ABCD4: variants seen among roughly 807,000 people sequenced by gnomAD.
ABCD4 encodes the protein ATP binding cassette subfamily D member 4, also known as lysosomal cobalamin transporter ABCD4.
In ABCD4, 53 loss-of-function variants were observed where a neutral mutation model predicts 86.3. That is an observed-to-expected ratio of 0.61 (90% CI 0.49 to 0.77). The LOEUF (loss-of-function observed/expected upper bound fraction) is 0.77, where lower values mean the gene tolerates loss of function less well. Ranked by LOEUF, ABCD4 falls within the 30% of genes least tolerant of loss-of-function variation. The pLI is 0.00. For synonymous variants in ABCD4, 328 were observed against 313.6 expected, an observed-to-expected ratio of 1.05 and a Z score of -0.49; for missense variants, 757 against 764.5, an observed-to-expected ratio of 0.99 and a Z score of 0.12.
Position 74,295,192 on chromosome 14 carries a change from C to G in ABCD4, c.675G>C (p.Lys225Asn), listed in dbSNP as rs1262004302. Residue 225 changes from lysine (K) to asparagine (N), a missense_variant, in exon 7 of 19, where the codon AAG becomes AAC. Lys to Asn is a moderately conservative substitution (Grantham distance 94, BLOSUM62 0). Coordinates refer to ENST00000356924, the MANE Select transcript of ABCD4 (RefSeq NM_005050.4). Reference sequence around the variant, plus strand: ...CCGCATTCACCCGAATCTGCATGTGCTTGAACCTGGGCGGACCAAAGGGAA... The same window carrying G: ...CCGCATTCACCCGAATCTGCATGTGGTTGAACCTGGGCGGACCAAAGGGAA... ...QEKLEGDFRF[K>N]HMQIRVNAEP... The G allele has an allele frequency of 6.8e-6, 11 of 1,614,228 alleles. No homozygotes were observed. In the Admixed American group the frequency reaches 1.8e-4, roughly 27 times the overall value.
At chr14:74,286,846 C>A in intron 17 of ABCD4, 30 bp from the exon 18 acceptor site, 1 of 1,600,242 alleles carries the variant, frequency 6.2e-7, no homozygotes, top group South Asian at 1.1e-5. Context: ...AGGAAGAGAT[C>A]AAAGCCCTGC....
chr14:74,288,041 C>G, intron 16 of ABCD4, 155 bp from the exon 17 acceptor site: 1 of 1,039,912 alleles, frequency 9.6e-7, no homozygotes, highest in Non-Finnish European at 1.4e-6. Flanking sequence ...ACAGCCCTCA[C>G]AGAGTGAGGC....
At chr14:74,288,322 G>T in intron 15 of ABCD4, 63 bp from the exon 16 acceptor site, 1 of 1,517,052 alleles carries the variant, frequency 6.6e-7, no homozygotes. Flanking sequence ...TGCCATCATG[G>T]GGAACCTCCC....
At position 74,286,228 on chromosome 14, in the gene ABCD4, G is replaced by T; in HGVS notation, c.*233C>A. 2.0e-6 allele frequency: 1 copy of T among 498,608 alleles called. No homozygotes were observed. The highest frequency in any genetic ancestry group is 3.6e-6 in the Non-Finnish European group (1 of 280,654). The allele number at this position is 498,608 out of a possible 1,614,324, so 30.9% of individuals were successfully genotyped here. ...AGCACTTCAAGCATATGGAGGCTCT[G>T]GCTGAGGCAGCAGAGTCCTGGGAGA... On this transcript the variant is annotated 3_prime_UTR_variant, in exon 19 of 19. Coordinates refer to ENST00000356924, the MANE Select transcript of ABCD4 (RefSeq NM_005050.4).
intron 3 of ABCD4, among the ~76,000 whole-genome samples, chr14:74,298,850 GC>G (rs1488164003): frequency 6.6e-6 from 1 of 152,226 alleles, no homozygotes; most frequent in Non-Finnish European, 1.5e-5. Flanking sequence ...TTCTGGTACA[GC>G]CCTGAGTCTC....
rs573949742 is a variant in ABCD4, at chr14:74,288,669, G to A, written c.1506+47C>T. 48 of 1,602,638 alleles carry A rather than the reference G, an allele frequency of 3.0e-5. No homozygotes were observed. The South Asian group carries it at 5.4e-4, about 18-fold the overall frequency. On this transcript the variant is annotated intron_variant, in intron 15 of 18. Transcript: ENST00000356924. ...GCCAGCACCTGCCTACCTGTAGCTG[G>A]TGCTCCCAGGTGGGCTCGGGTCCTG...
intron 11 of ABCD4, 49 bp from the exon 12 acceptor site, chr14:74,290,548 T>C (rs2081217679): frequency 1.4e-6 from 2 of 1,472,314 alleles, no homozygotes; most frequent in Middle Eastern, 1.7e-4. Flanking sequence ...AGGGTCAGTA[T>C]TGCTGTGGGG....
Position 74,292,737 on chromosome 14 carries a change from G to A in ABCD4, c.936+11C>T, listed in dbSNP as rs759765179. On this transcript the variant is annotated intron_variant, in intron 9 of 18. Transcript: ENST00000356924. The stretch of plus-strand genomic sequence containing the variant: ...GGGACAGCATGTGGGGTGACCAAGA[G>A]GGAGTCTCACCTTGCTGACCAGGGT... 1.2e-6 allele frequency: 2 copies of A among 1,613,972 alleles called. No homozygotes were observed. Among genetic ancestry groups the A allele is most frequent in the South Asian group, 2.2e-5 (2 of 91,020 alleles).
Position 74,286,393 on chromosome 14 carries a change from GTCC to G in ABCD4, c.*65_*67del, listed in dbSNP as rs1054391763. Reference sequence around the variant, plus strand: ...AACCTGAGCTCGATCTTCGCTGTCAGTCCTCCTGGTCTCTCCTGAGGGCCGCCG... The same window carrying G: ...AACCTGAGCTCGATCTTCGCTGTCAGTCCTGGTCTCTCCTGAGGGCCGCCG... On this transcript the variant is annotated 3_prime_UTR_variant, in exon 19 of 19. Transcript: ENST00000356924. 9.7e-6 allele frequency: 15 copies of G among 1,550,954 alleles called. No homozygotes were observed. In the African/African-American group the frequency reaches 2.0e-4, roughly 21 times the overall value.
chr14:74,290,602 C>T, intron 11 of ABCD4, 103 bp from the exon 12 acceptor site: 3 of 841,718 alleles, frequency 3.6e-6, no homozygotes, highest in East Asian at 2.5e-5. Context: ...TTATTATGGG[C>T]TGACTTGCAT....
Position 74,289,529 on chromosome 14 carries a change from GA to G in ABCD4, c.1420-11del. 2 of 1,609,890 alleles carry G rather than the reference GA, an allele frequency of 1.2e-6. No individual in the cohort carries two copies. Among genetic ancestry groups the G allele is most frequent in the Admixed American group, 3.3e-5 (2 of 59,788 alleles). On this transcript the variant is annotated splice_polypyrimidine_tract_variant and intron_variant, in intron 13 of 18. Coordinates refer to ENST00000356924, the MANE Select transcript of ABCD4 (RefSeq NM_005050.4). ...TCAGGGGATATATCACCTGAGAAAA[GA>G]AAAAAACCACACCAACCTAGGAGGG... is the stretch of plus-strand genomic sequence containing the variant.
intron 11 of ABCD4, 80 bp from the exon 12 acceptor site, chr14:74,290,579 C>A: frequency 9.0e-7 from 1 of 1,108,282 alleles, no homozygotes. Flanking sequence ...TCCCGGGAGC[C>A]ACCACCTGTG....
chr14:74,297,797 C>T, intron 4 of ABCD4, 133 bp downstream of exon 4: 1 of 1,425,000 alleles, frequency 7.0e-7, no homozygotes, highest in Non-Finnish European at 9.2e-7. Flanking sequence ...CACCCTCCCC[C>T]ATGACTCTGG....
chr14:74,295,069 G>C (rs1006726564), intron 7 of ABCD4, 79 bp downstream of exon 7: 10 of 1,546,356 alleles, frequency 6.5e-6, no homozygotes, highest in East Asian at 2.3e-5. Flanking sequence ...CGGTGGTGGT[G>C]GGAGGGTTGA....
At position 74,299,688 on chromosome 14, in the gene ABCD4, A is replaced by T. The variant is rs1178118701; in HGVS notation, c.158-13T>A. On this transcript the variant is annotated splice_polypyrimidine_tract_variant and intron_variant, in intron 2 of 18. Coordinates refer to ENST00000356924, the MANE Select transcript of ABCD4 (RefSeq NM_005050.4). The stretch of plus-strand genomic sequence containing the variant: ...ATCACAAATTGCTCTGAAAGGAGGG[A>T]GAGGAGTAAGAAATCAGTGATGAGG... The T allele has an allele frequency of 6.2e-7, 1 of 1,607,186 alleles. No individual in the cohort carries two copies. The highest frequency in any genetic ancestry group is 8.5e-7 in the Non-Finnish European group (1 of 1,176,500).
chr14:74,291,214 C>A (rs2139856668), intron 11 of ABCD4, among the ~76,000 whole-genome samples: 1 of 152,282 alleles, frequency 6.6e-6, no homozygotes, highest in Admixed American at 6.5e-5. Context: ...AAATTAATTT[C>A]TATTGTTTAA....
rs532845951 is a variant in ABCD4, at chr14:74,295,667, A to T, written c.668+187T>A. The T allele has an allele frequency of 1.0e-4, 74 of 705,314 alleles. 1 individual carries two copies. The East Asian group carries it at 2.0e-3, about 19-fold the overall frequency. The allele number at this position is 705,314 out of a possible 1,614,324, so 43.7% of individuals were successfully genotyped here. On this transcript the variant is annotated intron_variant, in intron 6 of 18. Coordinates refer to ENST00000356924, the MANE Select transcript of ABCD4 (RefSeq NM_005050.4). ...TTTCATTAATCCTCCTAATCCTCTC[A>T]GTAGGCAACGGTACCATTTCCACTT... is the stretch of plus-strand genomic sequence containing the variant.
Position 74,296,321 on chromosome 14 carries a change from G to C in ABCD4, c.542+12C>G. The C allele has an allele frequency of 6.2e-7, 1 of 1,611,576 alleles. No homozygotes were observed. The highest frequency in any genetic ancestry group is 8.5e-7 in the Non-Finnish European group (1 of 1,177,670). On this transcript the variant is annotated intron_variant, in intron 5 of 18. Coordinates refer to ENST00000356924, the MANE Select transcript of ABCD4 (RefSeq NM_005050.4). ...TGGGGAAACACCAGGCTGGGGAGGA[G>C]GGAGGCTTCACCTTTGGAAGCACTG...
chr14:74,288,664 A>G (rs944872785), intron 15 of ABCD4, 52 bp downstream of exon 15: 2 of 1,591,576 alleles, frequency 1.3e-6, no homozygotes. Context: ...GCCTACCTGT[A>G]GCTGGTGCTC....
Sources: gnomAD v4.1 joint callset for allele counts (sites outside exome capture counted in the v4.1 genomes callset) on GRCh38, gnomAD v4.1.1 for gene constraint, MANE v1.5 for transcripts, NCBI Gene and HGNC (gene_info 2026-07-23, HGNC 2026-07-21) for gene names.